TRAM1: variants seen among roughly 807,000 people sequenced by gnomAD.
TRAM1 encodes the protein translocating chain-associated membrane protein 1.
TRAM1 carries 17 observed loss-of-function variants against 48.7 expected under a neutral mutation model. The ratio of observed to expected loss-of-function variants is 0.35; its 90% CI spans 0.24 to 0.52. TRAM1 has a LOEUF of 0.52. Among genes scored for constraint, TRAM1 ranks in the 20% least tolerant of loss-of-function variants. The pLI is 0.94. For missense variants in TRAM1, 351 were observed against 441.5 expected (o/e 0.79, Z 1.84); for synonymous variants, 182 against 154.0 (o/e 1.18, Z -1.34).
intron 1 of TRAM1, among the ~76,000 whole-genome samples, chr8:70,602,600 CA>C (rs1476532054): frequency 2.0e-5 from 3 of 152,120 alleles, no homozygotes; most frequent in African/African-American, 7.2e-5. Context: ...GAGAAAAAAG[CA>C]ATGTCACATA....
intron 1 of TRAM1, among the ~76,000 whole-genome samples, chr8:70,603,237 A>AT (rs1340025512): frequency 1.3e-5 from 2 of 150,888 alleles, no homozygotes; most frequent in Non-Finnish European, 2.9e-5. Context: ...CTTTGTTTAG[A>AT]TTTTTTATAT....
rs1303993855 is a variant in TRAM1, at chr8:70,603,118, A to G, written c.124-3036T>C. Among the ~76,000 whole-genome samples the G allele has an allele frequency of 2.6e-5, 4 of 152,168 alleles. No individual in the cohort carries two copies. In the East Asian group the frequency reaches 7.7e-4, roughly 29 times the overall value. ...TCTATTAAAATTTGGGTCATTAACAAGGACTCATTAGAGCAGAACGATGAC... is the reference window on the plus strand; with the variant it reads ...TCTATTAAAATTTGGGTCATTAACAGGGACTCATTAGAGCAGAACGATGAC... On this transcript the variant is annotated intron_variant, in intron 1 of 10. Transcript: ENST00000262213.
At chr8:70,599,920 G>A (rs949496068) in intron 2 of TRAM1, 99 bp downstream of exon 2, 1 of 850,740 alleles carries the variant, frequency 1.2e-6, no homozygotes, top group East Asian at 2.5e-5. Context: ...TGAGATCTCT[G>A]ACGATTAATT....
Position 70,608,361 on chromosome 8 carries a change from G to T in TRAM1, c.-162C>A. Reference sequence around the variant, plus strand: ...TCCCACAGCCAGTACGCAGCCGCCGGGCCGCCCGGGGGAAAAAAAAAAACA... The same window carrying T: ...TCCCACAGCCAGTACGCAGCCGCCGTGCCGCCCGGGGGAAAAAAAAAAACA... On this transcript the variant is annotated 5_prime_UTR_variant, in exon 1 of 11. Coordinates refer to ENST00000262213, the MANE Select transcript of TRAM1 (RefSeq NM_014294.6). 2.7e-6 allele frequency: 2 copies of T among 728,694 alleles called. No individual in the cohort carries two copies. Among genetic ancestry groups the T allele is most frequent in the African/African-American group, 3.5e-5 (1 of 28,686 alleles). The allele number at this position is 728,694 out of a possible 1,614,324, so 45.1% of individuals were successfully genotyped here.
intron 10 of TRAM1, among the ~76,000 whole-genome samples, chr8:70,578,620 A>T (rs1817010918): frequency 6.6e-6 from 1 of 152,222 alleles, no homozygotes; most frequent in Non-Finnish European, 1.5e-5. Flanking sequence ...GCGACAGAGC[A>T]AGACCCTGTT....
chr8:70,592,648 A>G (rs1817392029), intron 6 of TRAM1, among the ~76,000 whole-genome samples: 1 of 152,234 alleles, frequency 6.6e-6, no homozygotes, highest in African/African-American at 2.4e-5. Context: ...TACCATAGTC[A>G]ATGAAGAAGA....
At position 70,591,905 on chromosome 8, in the gene TRAM1, A is replaced by G. The variant is rs187247004; in HGVS notation, c.570+2601T>C. Among the ~76,000 whole-genome samples the G allele has an allele frequency of 1.3e-3, 205 of 152,342 alleles. 2 individuals carry two copies. Among genetic ancestry groups the G allele is most frequent in the Non-Finnish European group, 6.5e-4 (44 of 68,028 alleles). On this transcript the variant is annotated intron_variant, in intron 6 of 10. Transcript: ENST00000262213. ...CAGAAGATGACGTCATGATGTGGAA[A>G]AAATGTCATCAGATTAAAAAAAAGT...
chr8:70,607,729 A>T, intron 1 of TRAM1: 1 of 162,382 alleles, frequency 6.2e-6, no homozygotes, highest in Non-Finnish European at 1.3e-5. Context: ...CCCCGCCCGC[A>T]GGCCCCTCGC....
chr8:70,586,504 A>G (rs1243124232), intron 8 of TRAM1, among the ~76,000 whole-genome samples: 2 of 152,134 alleles, frequency 1.3e-5, no homozygotes, highest in African/African-American at 4.8e-5. Flanking sequence ...CACCTCTCCA[A>G]TTCTGTTTTC....
intron 4 of TRAM1, 145 bp downstream of exon 4, chr8:70,597,750 G>T: frequency 5.4e-6 from 2 of 370,338 alleles, no homozygotes; most frequent in Non-Finnish European, 9.4e-6. Flanking sequence ...TTCTGAAACA[G>T]TAAACATAGT....
At chr8:70,581,215 G>A (rs894894999) in intron 10 of TRAM1, among the ~76,000 whole-genome samples, 1 of 152,058 alleles carries the variant, frequency 6.6e-6, no homozygotes, top group Non-Finnish European at 1.5e-5. Context: ...GCAAGATCCC[G>A]TCACTTAAAT....
chr8:70,577,842 C>T (rs1202138950), intron 10 of TRAM1, among the ~76,000 whole-genome samples: 5 of 152,232 alleles, frequency 3.3e-5, no homozygotes, highest in Admixed American at 3.3e-4. Flanking sequence ...CACCACACTC[C>T]CCTTGTCCAG....
At chr8:70,596,842 A>C (rs1284149700) in intron 4 of TRAM1, among the ~76,000 whole-genome samples, 1 of 151,712 alleles carries the variant, frequency 6.6e-6, no homozygotes, top group Non-Finnish European at 1.5e-5. Context: ...AAAAAGATTA[A>C]AAAATAAATA....
chr8:70,599,628 C>T (rs1817562938), intron 2 of TRAM1, among the ~76,000 whole-genome samples: 1 of 152,168 alleles, frequency 6.6e-6, no homozygotes, highest in Non-Finnish European at 1.5e-5. Context: ...ATTGCTATTA[C>T]AGGTCCAAAA....
chr8:70,595,038 G>GTTTTTTT (rs11464494), intron 5 of TRAM1, among the ~76,000 whole-genome samples: 4 of 146,026 alleles, frequency 2.7e-5, no homozygotes, highest in Non-Finnish European at 1.5e-5. Context: ...AATATCCTCT[G>GTTTTTTT]TTTTTTTTTT....
intron 10 of TRAM1, among the ~76,000 whole-genome samples, chr8:70,578,017 C>T (rs1213505907): frequency 6.6e-6 from 1 of 152,238 alleles, no homozygotes; most frequent in Non-Finnish European, 1.5e-5. Flanking sequence ...CCCACACACC[C>T]CCTGCTGCTC....
chr8:70,592,583 G>A (rs1261233446), intron 6 of TRAM1, among the ~76,000 whole-genome samples: 1 of 152,186 alleles, frequency 6.6e-6, no homozygotes, highest in Non-Finnish European at 1.5e-5. Context: ...GAACTGATAA[G>A]AAAAGAGCTT....
At chr8:70,585,312 A>C (rs372838390) in intron 8 of TRAM1, among the ~76,000 whole-genome samples, 1 of 151,950 alleles carries the variant, frequency 6.6e-6, no homozygotes, top group African/African-American at 2.4e-5. Flanking sequence ...AGACCTAAAA[A>C]CATAAAAACC....
chr8:70,597,790 T>G, intron 4 of TRAM1, 105 bp downstream of exon 4: 1 of 780,322 alleles, frequency 1.3e-6, no homozygotes, highest in Admixed American at 3.1e-5. Flanking sequence ...AAAAAATACC[T>G]AAAACAGATT....
Sources: gnomAD v4.1 joint callset for allele counts (sites outside exome capture counted in the v4.1 genomes callset) on GRCh38, gnomAD v4.1.1 for gene constraint, MANE v1.5 for transcripts, NCBI Gene and HGNC (gene_info 2026-07-23, HGNC 2026-07-21) for gene names.